MCTP1: variants seen among roughly 807,000 people sequenced by gnomAD.
MCTP1 encodes the protein multiple C2 and transmembrane domain-containing protein 1.
MCTP1 carries 69 observed loss-of-function variants against 120.6 expected under a neutral mutation model. The ratio of observed to expected loss-of-function variants is 0.57; its 90% CI spans 0.47 to 0.70. The LOEUF is 0.70. MCTP1 is among the 30% of genes least tolerant of loss of function. The pLI is 0.00. For missense variants in MCTP1, 1,203 were observed against 1,248.8 expected (o/e 0.96, Z 0.55); for synonymous variants, 529 against 493.1 (o/e 1.07, Z -0.96).
chr5:94,875,579 A>G (rs1364812922), intron 12 of MCTP1, among the ~76,000 whole-genome samples: 5 of 151,952 alleles, frequency 3.3e-5, no homozygotes, highest in Admixed American at 1.3e-4. Flanking sequence ...TAGGAAGAAG[A>G]GTTAGGAGGC....
intron 1 of MCTP1, among the ~76,000 whole-genome samples, chr5:95,018,726 C>T (rs1205324225): frequency 6.6e-6 from 1 of 152,050 alleles, no homozygotes; most frequent in Non-Finnish European, 1.5e-5. Context: ...TCTTTGACTT[C>T]TTCATTTGAT....
intron 1 of MCTP1, among the ~76,000 whole-genome samples, chr5:95,054,877 A>G (rs1290664994): frequency 2.0e-5 from 3 of 152,110 alleles, no homozygotes; most frequent in Non-Finnish European, 4.4e-5. Flanking sequence ...TCAGGATCTC[A>G]GCTCACTGCA....
At position 94,827,477 on chromosome 5, in the gene MCTP1, G is replaced by A. The variant is rs538041539; in HGVS notation, c.2437-28345C>T. On this transcript the variant is annotated intron_variant, in intron 17 of 22. Transcript: ENST00000515393. ...GTTGCTCTTCTCGAGGAGTATCTTT[G>A]TGGTGTTCTTTGTATTTCCTGAATT... 3.9e-4 allele frequency among the ~76,000 whole-genome samples: 59 copies of A among 152,238 alleles called. 1 individual carries two copies. In the South Asian group the frequency reaches 7.5e-3, roughly 19 times the overall value.
chr5:95,178,552 G>C (rs569007469), intron 1 of MCTP1, among the ~76,000 whole-genome samples: 1 of 152,262 alleles, frequency 6.6e-6, no homozygotes, highest in South Asian at 2.1e-4. Context: ...GCTCTGCTGG[G>C]TGACTAGACC....
chr5:94,781,808 T>A (rs1776632424), intron 18 of MCTP1, among the ~76,000 whole-genome samples: 1 of 152,172 alleles, frequency 6.6e-6, no homozygotes, highest in African/African-American at 2.4e-5. Flanking sequence ...GCACAATTGC[T>A]CCACAAATGT....
intron 17 of MCTP1, among the ~76,000 whole-genome samples, chr5:94,836,362 G>A (rs552047715): frequency 2.0e-5 from 3 of 152,032 alleles, no homozygotes; most frequent in South Asian, 2.1e-4. Context: ...GGGAGAAAAC[G>A]CACACATAGG....
chr5:95,259,756 G>A (rs1222139682), intron 1 of MCTP1, among the ~76,000 whole-genome samples: 1 of 152,104 alleles, frequency 6.6e-6, no homozygotes, highest in African/African-American at 2.4e-5. Flanking sequence ...GGACTCCCTG[G>A]TGGTGGTACC....
intron 20 of MCTP1, among the ~76,000 whole-genome samples, chr5:94,712,369 T>C (rs534242267): frequency 3.3e-5 from 5 of 152,256 alleles, no homozygotes; most frequent in African/African-American, 1.2e-4. Flanking sequence ...AAATGTGTTT[T>C]TTATTTCTTC....
At chr5:95,147,101 T>A (rs926899711) in intron 1 of MCTP1, among the ~76,000 whole-genome samples, 5 of 152,064 alleles carry the variant, frequency 3.3e-5, no homozygotes, top group Non-Finnish European at 7.4e-5. Flanking sequence ...TTATTTATTT[T>A]TTTAAGACAG....
intron 1 of MCTP1, among the ~76,000 whole-genome samples, chr5:95,074,629 C>G (rs1352632531): frequency 6.6e-6 from 1 of 152,106 alleles, no homozygotes; most frequent in African/African-American, 2.4e-5. Context: ...GTGGACCTAT[C>G]TGTGTGATTA....
intron 12 of MCTP1, among the ~76,000 whole-genome samples, chr5:94,887,642 CA>C (rs1801636327): frequency 6.6e-6 from 1 of 151,908 alleles, no homozygotes; most frequent in Admixed American, 6.6e-5. Flanking sequence ...GCAAATATTA[CA>C]AACTACCCAC....
intron 1 of MCTP1, among the ~76,000 whole-genome samples, chr5:95,018,713 C>G (rs1179859871): frequency 6.6e-6 from 1 of 151,814 alleles, no homozygotes; most frequent in African/African-American, 2.4e-5. Flanking sequence ...AATCGCTGAG[C>G]CATCTTTGAC....
intron 20 of MCTP1, among the ~76,000 whole-genome samples, chr5:94,713,003 G>T (rs1177018514): frequency 6.6e-6 from 1 of 151,816 alleles, no homozygotes; most frequent in East Asian, 1.9e-4. Flanking sequence ...AAATAAAACT[G>T]CCCTTTTCTA....
At chr5:94,982,959 G>A (rs1581692152) in intron 2 of MCTP1, among the ~76,000 whole-genome samples, 1 of 65,164 alleles carries the variant, frequency 1.5e-5, no homozygotes, top group African/African-American at 3.8e-5. Context: ...TTTAAGAGCA[G>A]AGAGTTTTCT....
chr5:95,163,497 A>G (rs917267690), intron 1 of MCTP1, among the ~76,000 whole-genome samples: 2 of 152,162 alleles, frequency 1.3e-5, no homozygotes, highest in African/African-American at 4.8e-5. Context: ...TGAAAGGGGG[A>G]AAAATGCATA....
At chr5:95,120,124 C>T (rs892859736) in intron 1 of MCTP1, among the ~76,000 whole-genome samples, 25 of 135,252 alleles carry the variant, frequency 1.8e-4, no homozygotes, top group Non-Finnish European at 3.1e-4. Context: ...TTGTAGTTAG[C>T]GGAGATTGCG....
At chr5:94,929,227 G>A (rs1813921753) in intron 6 of MCTP1, among the ~76,000 whole-genome samples, 2 of 152,170 alleles carry the variant, frequency 1.3e-5, no homozygotes, top group South Asian at 4.1e-4. Context: ...CCATACTGGA[G>A]AGAATTTCTA....
chr5:95,063,777 T>C (rs1749883291), intron 1 of MCTP1, among the ~76,000 whole-genome samples: 1 of 152,134 alleles, frequency 6.6e-6, no homozygotes, highest in Non-Finnish European at 1.5e-5. Context: ...TTGTATTTTT[T>C]TGTAGAGATG....
At chr5:94,935,550 A>G (rs1452290983) in intron 5 of MCTP1, among the ~76,000 whole-genome samples, 1 of 152,012 alleles carries the variant, frequency 6.6e-6, no homozygotes. Flanking sequence ...TTTATCTGTA[A>G]AAGGCTCTTG....
Sources: allele counts gnomAD v4.1 joint callset (sites outside exome capture counted in the v4.1 genomes callset), GRCh38; gene constraint gnomAD v4.1.1; transcripts MANE v1.5; gene names NCBI Gene and HGNC (gene_info 2026-07-23, HGNC 2026-07-21).